Variants in PTPRG observed in about 807,000 individuals in gnomAD.
The protein encoded by PTPRG is receptor-type tyrosine-protein phosphatase gamma.
Under a neutral mutation model 165.3 loss-of-function variants are expected in PTPRG, and 102 were observed. That is an observed-to-expected ratio of 0.62 (90% CI 0.53 to 0.73). PTPRG has a LOEUF of 0.73. Among genes scored for constraint, PTPRG ranks in the 30% least tolerant of loss-of-function variants. PTPRG has a pLI of 0.00. For missense variants in PTPRG, 1,866 were observed against 1,861.4 expected (o/e 1.00, Z -0.05); for synonymous variants, 675 against 669.5 (o/e 1.01, Z -0.13).
At chr3:62,091,557 C>T (rs537682312) in intron 5 of PTPRG, among the ~76,000 whole-genome samples, 219 of 152,240 alleles carry the variant, frequency 1.4e-3, no homozygotes, top group Non-Finnish European at 2.5e-3. Flanking sequence ...CAAGGAACTG[C>T]TTAATTCCTA....
intron 4 of PTPRG, among the ~76,000 whole-genome samples, chr3:62,051,602 A>G (rs1700471691): frequency 1.3e-5 from 2 of 152,312 alleles, no homozygotes; most frequent in South Asian, 2.1e-4. Flanking sequence ...TCTTGTTCCT[A>G]GGAATCCACA....
intron 1 of PTPRG, among the ~76,000 whole-genome samples, chr3:61,674,066 G>T (rs533947991): frequency 6.6e-6 from 1 of 151,730 alleles, no homozygotes; most frequent in Middle Eastern, 3.4e-3. Context: ...AGCATTAGGA[G>T]AAATACCTAA....
chr3:62,047,668 CTT>C (rs113392866), intron 4 of PTPRG, among the ~76,000 whole-genome samples: 104 of 152,276 alleles, frequency 6.8e-4, no homozygotes, highest in Middle Eastern at 3.4e-3. Flanking sequence ...CAGCTGTCAC[CTT>C]ATGTAATACG....
intron 2 of PTPRG, among the ~76,000 whole-genome samples, chr3:61,751,333 G>A (rs922248048): frequency 2.6e-5 from 4 of 152,136 alleles, no homozygotes; most frequent in African/African-American, 9.7e-5. Context: ...ATAGTCCTCT[G>A]GATATAAATG....
intron 5 of PTPRG, among the ~76,000 whole-genome samples, chr3:62,087,980 G>A (rs1011924466): frequency 6.6e-6 from 1 of 152,186 alleles, no homozygotes; most frequent in Admixed American, 6.5e-5. Context: ...TTTATAAAAA[G>A]GCTATAAAGA....
intron 1 of PTPRG, among the ~76,000 whole-genome samples, chr3:61,691,609 G>A (rs752892041): frequency 1.3e-5 from 2 of 152,162 alleles, no homozygotes; most frequent in Admixed American, 6.5e-5. Context: ...TGGACAGAGG[G>A]TGACCATTGC....
At chr3:61,667,533 C>T (rs923484140) in intron 1 of PTPRG, among the ~76,000 whole-genome samples, 2 of 152,302 alleles carry the variant, frequency 1.3e-5, no homozygotes, top group African/African-American at 2.4e-5. Flanking sequence ...TTTTAATTCA[C>T]TTGCTTCTCA....
chr3:61,714,532 C>G (rs913418559), intron 1 of PTPRG, among the ~76,000 whole-genome samples: 1 of 152,180 alleles, frequency 6.6e-6, no homozygotes, highest in African/African-American at 2.4e-5. Flanking sequence ...GCTGTAGATA[C>G]TCAGATGTAC....
chr3:61,689,694 C>T (rs1575591195), intron 1 of PTPRG, among the ~76,000 whole-genome samples: 1 of 152,254 alleles, frequency 6.6e-6, no homozygotes, highest in East Asian at 1.9e-4. Context: ...GGTAAGGTAG[C>T]ATTTGGATTT....
At chr3:61,668,475 CAGAAT>C (rs1393794733) in intron 1 of PTPRG, among the ~76,000 whole-genome samples, 2 of 152,120 alleles carry the variant, frequency 1.3e-5, no homozygotes, top group Non-Finnish European at 2.9e-5. Context: ...GCAACAGCTT[CAGAAT>C]AGAAACTGAC....
chr3:62,019,802 ACT>A (rs2041643369), intron 4 of PTPRG, among the ~76,000 whole-genome samples: 1 of 152,076 alleles, frequency 6.6e-6, no homozygotes, highest in African/African-American at 2.4e-5. Context: ...AAAAACAAAA[ACT>A]CTTACAATAA....
intron 4 of PTPRG, among the ~76,000 whole-genome samples, chr3:62,041,821 G>A (rs1700139483): frequency 6.6e-6 from 1 of 152,090 alleles, no homozygotes; most frequent in Admixed American, 6.6e-5. Flanking sequence ...TGGTGATGGG[G>A]GTGGTTGTGG....
chr3:61,837,155 C>T (rs965733077), intron 2 of PTPRG, among the ~76,000 whole-genome samples: 5 of 152,104 alleles, frequency 3.3e-5, no homozygotes, highest in Middle Eastern at 3.2e-3. Context: ...TCAGGTGATC[C>T]GCCTGTCTTG....
At chr3:62,225,242 T>G (rs1159747518) in intron 13 of PTPRG, among the ~76,000 whole-genome samples, 1 of 152,242 alleles carries the variant, frequency 6.6e-6, no homozygotes, top group Non-Finnish European at 1.5e-5. Context: ...CAAGCTGTTT[T>G]TATGGCAATA....
chr3:62,096,343 T>C (rs1003494704), intron 5 of PTPRG, among the ~76,000 whole-genome samples: 1 of 152,220 alleles, frequency 6.6e-6, no homozygotes, highest in Non-Finnish European at 1.5e-5. Flanking sequence ...ATCAGGTTTA[T>C]AGAAACACTG....
intron 7 of PTPRG, among the ~76,000 whole-genome samples, chr3:62,159,155 A>G (rs576711307): frequency 3.3e-5 from 5 of 151,930 alleles, no homozygotes; most frequent in African/African-American, 7.2e-5. Context: ...CAAGACCCCA[A>G]TCTCTGCAAA....
At chr3:62,015,789 C>T (rs2041529422) in intron 4 of PTPRG, among the ~76,000 whole-genome samples, 1 of 152,058 alleles carries the variant, frequency 6.6e-6, no homozygotes, top group Non-Finnish European at 1.5e-5. Context: ...TTGAGAAAAA[C>T]ATCTGATTCC....
chr3:61,776,297 A>G (rs1261089605), intron 2 of PTPRG, among the ~76,000 whole-genome samples: 2 of 152,194 alleles, frequency 1.3e-5, no homozygotes, highest in South Asian at 4.2e-4. Flanking sequence ...GAGACCTATG[A>G]GCTTGACTTA....
chr3:61,738,001 G>C (rs531976554), intron 1 of PTPRG, among the ~76,000 whole-genome samples: 81 of 148,614 alleles, frequency 5.5e-4, no homozygotes, highest in African/African-American at 1.9e-3. Flanking sequence ...CTCCGCCTCC[G>C]GGGTTCACGC....
Sources: allele counts gnomAD v4.1 joint callset (sites outside exome capture counted in the v4.1 genomes callset), GRCh38; gene constraint gnomAD v4.1.1; transcripts MANE v1.5; gene names NCBI Gene and HGNC (gene_info 2026-07-23, HGNC 2026-07-21).